Variants in SLC35F4 observed in about 807,000 individuals in gnomAD.
SLC35F4 encodes chromosome 14 open reading frame 36.
Under a neutral mutation model 44.2 loss-of-function variants are expected in SLC35F4, and 24 were observed. The observed-to-expected ratio is 0.54, with a 90% CI of 0.39 to 0.76. The LOEUF (loss-of-function observed/expected upper bound fraction) is 0.76. Among genes scored for constraint, SLC35F4 ranks in the 30% least tolerant of loss-of-function variants. The pLI is 0.00. For missense variants in SLC35F4, 562 were observed against 586.1 expected, an observed-to-expected ratio of 0.96 and a Z score of 0.42; for synonymous variants, 238 against 223.6, an observed-to-expected ratio of 1.06 and a Z score of -0.57.
chr14:57,677,392 C>A (rs978707326), intron 1 of SLC35F4, among the ~76,000 whole-genome samples: 1 of 149,032 alleles, frequency 6.7e-6, no homozygotes, highest in African/African-American at 2.5e-5. Flanking sequence ...CCTTCTTTAC[C>A]CCCAAAACTA....
At chr14:57,600,289 A>G (rs990416338) in intron 1 of SLC35F4, among the ~76,000 whole-genome samples, 4 of 152,238 alleles carry the variant, frequency 2.6e-5, no homozygotes, top group African/African-American at 7.2e-5. Context: ...AGATATTATA[A>G]TCACTAAAGA....
chr14:57,706,461 T>C (rs1428270564), intron 1 of SLC35F4, among the ~76,000 whole-genome samples: 3 of 152,324 alleles, frequency 2.0e-5, no homozygotes, highest in Non-Finnish European at 4.4e-5. Flanking sequence ...GCACAGAGGA[T>C]ACAGCAGTAA....
intron 1 of SLC35F4, among the ~76,000 whole-genome samples, chr14:57,658,746 G>T (rs1025391765): frequency 6.6e-6 from 1 of 152,042 alleles, no homozygotes; most frequent in African/African-American, 2.4e-5. Context: ...ACAGATATAT[G>T]GATGTCACCT....
In SLC35F4 at chr14:57,880,074, AAGGAAGGAAG is replaced by A. The variant is rs1426618025; in HGVS notation, n.282+101829_282+101838del. The stretch of plus-strand genomic sequence containing the variant: ...GAAGGAAGGAAGGAAGGAAGGAAGG[AAGGAAGGAAG>A]GAAGGAAGGAAGGAAGGAAGGAAGG... On this transcript the variant is annotated intron_variant and non_coding_transcript_variant, in intron 1 of 1. Coordinates refer to the SLC35F4 transcript ENST00000556568. Among the ~76,000 whole-genome samples, 581 of 128,900 alleles carry A rather than the reference AAGGAAGGAAG, an allele frequency of 4.5e-3. 16 individuals carry two copies. The highest frequency in any genetic ancestry group is 0.015 in the African/African-American group (472 of 30,790). The allele number at this position is 128,900 out of a possible 152,430, so 84.6% of individuals were successfully genotyped here.
intron 1 of SLC35F4, among the ~76,000 whole-genome samples, chr14:57,624,106 G>T (rs567432893): frequency 6.6e-6 from 1 of 152,268 alleles, no homozygotes; most frequent in East Asian, 1.9e-4. Flanking sequence ...AATAAAAAAT[G>T]ATAAAGGGGA....
At chr14:57,948,605 G>A (rs1890077406) in intron 1 of SLC35F4, among the ~76,000 whole-genome samples, 1 of 151,880 alleles carries the variant, frequency 6.6e-6, no homozygotes, top group African/African-American at 2.4e-5. Flanking sequence ...TGTTTATCTA[G>A]TTCCTTGAGG....
Position 57,589,326 on chromosome 14 carries a change from T to C in SLC35F4, c.477A>G (p.Pro159=), listed in dbSNP as rs765356097. 2 of 1,613,730 alleles carry C rather than the reference T, an allele frequency of 1.2e-6. No individual in the cohort carries two copies. Among genetic ancestry groups the C allele is most frequent in the Non-Finnish European group, 1.7e-6 (2 of 1,179,868 alleles). The stretch of plus-strand genomic sequence containing the variant: ...TTGTTGAAAACCAAGTCATGAAAAA[T>C]GGGCAATAGAAGTTCTTATAAGTAA... The part of the protein sequence containing the change: ...VKITYKNFYC[P]FFMTWFSTNW... Residue 159 remains proline, a synonymous_variant, in exon 3 of 8, where the codon CCA becomes CCG. Transcript: ENST00000556826.
At chr14:57,844,822 C>T (rs1189735377) in intron 1 of SLC35F4, among the ~76,000 whole-genome samples, 4 of 152,252 alleles carry the variant, frequency 2.6e-5, no homozygotes, top group Admixed American at 1.3e-4. Flanking sequence ...CACTGCCCTC[C>T]GCCCTCTGTC....
chr14:57,711,033 G>A (rs1394242527), intron 1 of SLC35F4, among the ~76,000 whole-genome samples: 1 of 151,940 alleles, frequency 6.6e-6, no homozygotes, highest in African/African-American at 2.4e-5. Context: ...GGAATTATAT[G>A]GTTTGGCTGT....
chr14:57,754,673 A>G (rs2076956284), intron 1 of SLC35F4, among the ~76,000 whole-genome samples: 1 of 152,244 alleles, frequency 6.6e-6, no homozygotes, highest in Non-Finnish European at 1.5e-5. Flanking sequence ...ATCAGGGCTC[A>G]TGAATTATGT....
At chr14:57,792,162 C>T (rs1474772771) in intron 1 of SLC35F4, among the ~76,000 whole-genome samples, 1 of 151,816 alleles carries the variant, frequency 6.6e-6, no homozygotes, top group African/African-American at 2.4e-5. Context: ...TGAAAAAATG[C>T]TCAACATCAC....
At chr14:57,612,654 G>A (rs1429586584) in intron 1 of SLC35F4, among the ~76,000 whole-genome samples, 1 of 152,124 alleles carries the variant, frequency 6.6e-6, no homozygotes, top group Non-Finnish European at 1.5e-5. Context: ...ATAAGCATTT[G>A]TTGAGCTCAC....
At chr14:57,917,905 C>T (rs78530897) in intron 1 of SLC35F4, among the ~76,000 whole-genome samples, 2,888 of 152,198 alleles carry the variant, frequency 0.019, 94 homozygotes, top group African/African-American at 0.061. Context: ...GCTTCTCAGT[C>T]CCCCACACAC....
intron 1 of SLC35F4, among the ~76,000 whole-genome samples, chr14:57,798,041 C>T (rs954693966): frequency 7.0e-6 from 1 of 142,936 alleles, no homozygotes; most frequent in Non-Finnish European, 1.5e-5. Flanking sequence ...ACCCATGAAG[C>T]AGTCTTGAAC....
At chr14:57,785,798 G>C (rs2077741509) in intron 1 of SLC35F4, among the ~76,000 whole-genome samples, 1 of 152,194 alleles carries the variant, frequency 6.6e-6, no homozygotes, top group African/African-American at 2.4e-5. Flanking sequence ...GGCAATTCCT[G>C]CCTAGTACCA....
At chr14:57,819,513 T>C (rs558365694) in intron 1 of SLC35F4, among the ~76,000 whole-genome samples, 2 of 151,820 alleles carry the variant, frequency 1.3e-5, no homozygotes, top group African/African-American at 2.4e-5. Flanking sequence ...GAAAGCAAGA[T>C]AGAAGAAATA....
At position 57,649,238 on chromosome 14, in the gene SLC35F4, T is replaced by C. The variant is rs555248940; in HGVS notation, c.104-55114A>G. ...GTTTCCTCTTGCGGCTGTAACAAAT[T>C]ACCAAAACATAATGGCTTAAAACAA... is the stretch of plus-strand genomic sequence containing the variant. On this transcript the variant is annotated intron_variant, in intron 1 of 7. Coordinates refer to ENST00000556826, the MANE Select transcript of SLC35F4 (RefSeq NM_001306087.2). Among the ~76,000 whole-genome samples, 73 of 152,356 alleles carry C rather than the reference T, an allele frequency of 4.8e-4. 2 individuals are homozygous for C. The South Asian group carries it at 0.015, about 32-fold the overall frequency.
chr14:57,575,610 C>T (rs945391408), intron 4 of SLC35F4, among the ~76,000 whole-genome samples: 1 of 151,942 alleles, frequency 6.6e-6, no homozygotes, highest in Non-Finnish European at 1.5e-5. Context: ...ATGTTTAAAC[C>T]TCTCTGCCCT....
upstream of SLC35F4, among the ~76,000 whole-genome samples, chr14:57,869,007 C>A (rs575907842): frequency 8.5e-5 from 13 of 152,106 alleles, no homozygotes; most frequent in Admixed American, 2.0e-4. Flanking sequence ...AATTATAATT[C>A]GATTTGTTAT....
Sources: gnomAD v4.1 joint callset for allele counts (sites outside exome capture counted in the v4.1 genomes callset) on GRCh38, gnomAD v4.1.1 for gene constraint, MANE v1.5 for transcripts, NCBI Gene and HGNC (gene_info 2026-07-23, HGNC 2026-07-21) for gene names.